The following SH3GL2 variants were observed in gnomAD, a reference collection of about 807,000 sequenced individuals.
SH3GL2 encodes endophilin-A1.
Under a neutral mutation model 46.0 loss-of-function variants are expected in SH3GL2, and 24 were observed. The observed-to-expected ratio is 0.52, with a 90% CI of 0.38 to 0.73. The LOEUF is 0.73. Among genes scored for constraint, SH3GL2 ranks in the 30% least tolerant of loss-of-function variants. SH3GL2 has a pLI of 0.00. For synonymous variants in SH3GL2, 196 were observed against 147.1 expected, an observed-to-expected ratio of 1.33 and a Z score of -2.40; for missense variants, 413 against 424.2, an observed-to-expected ratio of 0.97 and a Z score of 0.23.
intron 1 of SH3GL2, among the ~76,000 whole-genome samples, chr9:17,673,446 T>A (rs1820525892): frequency 6.6e-6 from 1 of 151,836 alleles, no homozygotes; most frequent in South Asian, 2.1e-4. Flanking sequence ...ACGCCTGGCC[T>A]TCACTTTGAT....
chr9:17,677,640 A>T (rs952069267), intron 1 of SH3GL2, among the ~76,000 whole-genome samples: 1 of 148,274 alleles, frequency 6.7e-6, no homozygotes, highest in Non-Finnish European at 1.5e-5. Context: ...ATATATATAT[A>T]TATTTATACT....
chr9:17,660,205 T>C (rs772968718), intron 1 of SH3GL2, among the ~76,000 whole-genome samples: 1 of 148,870 alleles, frequency 6.7e-6, no homozygotes, highest in Non-Finnish European at 1.5e-5. Context: ...TGTGTTAAAT[T>C]TGAAATAGTT....
At chr9:17,785,849 T>C (rs932197546) in intron 3 of SH3GL2, among the ~76,000 whole-genome samples, 12 of 152,164 alleles carry the variant, frequency 7.9e-5, no homozygotes, top group Non-Finnish European at 1.0e-4. Context: ...CATCAGAATC[T>C]TAGTTGAGAA....
chr9:17,782,908 T>G (rs1161054468), intron 3 of SH3GL2, among the ~76,000 whole-genome samples: 3 of 152,090 alleles, frequency 2.0e-5, no homozygotes, highest in Non-Finnish European at 4.4e-5. Context: ...TGCTTCAACT[T>G]CACCTCCCAA....
intron 3 of SH3GL2, among the ~76,000 whole-genome samples, chr9:17,782,333 G>A (rs1051552106): frequency 1.3e-5 from 2 of 152,080 alleles, no homozygotes; most frequent in Admixed American, 1.3e-4. Flanking sequence ...GTGAGAGCAC[G>A]TGATCACTTT....
Position 17,594,262 on chromosome 9 carries a change from T to C in SH3GL2, c.45+14975T>C, listed in dbSNP as rs116309117. ...AGCTGTGCTAGTTATCCTGACACCT[T>C]GCAATTATGCCATACGTTTCTTGCC... is the stretch of plus-strand genomic sequence containing the variant. On this transcript the variant is annotated intron_variant, in intron 1 of 8. Coordinates refer to ENST00000380607, the MANE Select transcript of SH3GL2 (RefSeq NM_003026.5). Among the ~76,000 whole-genome samples, 301 of 152,314 alleles carry C rather than the reference T, an allele frequency of 2.0e-3. 2 individuals carry two copies. Among genetic ancestry groups the C allele is most frequent in the African/African-American group, 7.0e-3 (289 of 41,574 alleles).
At chr9:17,792,276 T>C (rs1824153438) in intron 7 of SH3GL2, among the ~76,000 whole-genome samples, 1 of 152,200 alleles carries the variant, frequency 6.6e-6, no homozygotes, top group Non-Finnish European at 1.5e-5. Context: ...ATTTATGTAA[T>C]GCTGAAGCCT....
At chr9:17,628,408 TTGGG>T (rs1174514717) in intron 1 of SH3GL2, among the ~76,000 whole-genome samples, 1 of 125,046 alleles carries the variant, frequency 8.0e-6, no homozygotes, top group African/African-American at 3.1e-5. Flanking sequence ...TAACTATATC[TTGGG>T]TGTGTGTGTG....
chr9:17,654,793 C>A (rs559951018), intron 1 of SH3GL2, among the ~76,000 whole-genome samples: 91 of 152,218 alleles, frequency 6.0e-4, no homozygotes, highest in African/African-American at 2.1e-3. Flanking sequence ...TACCCAACTG[C>A]AAAGGTGCTA....
intron 1 of SH3GL2, among the ~76,000 whole-genome samples, chr9:17,719,705 A>G (rs1821845508): frequency 6.6e-6 from 1 of 151,850 alleles, no homozygotes. Context: ...AGGTGGGAGG[A>G]TCCCTTGAGC....
chr9:17,597,539 T>A (rs924570381), intron 1 of SH3GL2, among the ~76,000 whole-genome samples: 2 of 152,038 alleles, frequency 1.3e-5, no homozygotes, highest in African/African-American at 4.8e-5. Flanking sequence ...AATTACTATA[T>A]AACAATGATT....
chr9:17,788,031 T>C (rs1824012580), intron 5 of SH3GL2, among the ~76,000 whole-genome samples: 1 of 152,198 alleles, frequency 6.6e-6, no homozygotes, highest in African/African-American at 2.4e-5. Context: ...AGCCACTTTC[T>C]AAAACATGTA....
intron 1 of SH3GL2, among the ~76,000 whole-genome samples, chr9:17,653,245 T>G (rs1819996750): frequency 6.6e-6 from 1 of 152,192 alleles, no homozygotes; most frequent in Non-Finnish European, 1.5e-5. Flanking sequence ...TGCTGTTTTC[T>G]TTTCTACCTT....
At chr9:17,715,781 C>T (rs1436818257) in intron 1 of SH3GL2, among the ~76,000 whole-genome samples, 1 of 151,944 alleles carries the variant, frequency 6.6e-6, no homozygotes, top group Non-Finnish European at 1.5e-5. Flanking sequence ...ATTTCATACA[C>T]CTAATATACC....
chr9:17,596,966 T>C (rs986103099), intron 1 of SH3GL2, among the ~76,000 whole-genome samples: 3 of 152,148 alleles, frequency 2.0e-5, no homozygotes, highest in Admixed American at 6.5e-5. Flanking sequence ...TTTGATGGCT[T>C]CAATGGCAAG....
chr9:17,669,913 T>C (rs1183132090), intron 1 of SH3GL2, among the ~76,000 whole-genome samples: 1 of 152,050 alleles, frequency 6.6e-6, no homozygotes, highest in Non-Finnish European at 1.5e-5. Context: ...AAAGAACAGC[T>C]CTCTGCTGCA....
intron 1 of SH3GL2, among the ~76,000 whole-genome samples, chr9:17,702,530 C>T (rs117312790): frequency 0.01 from 1,527 of 152,070 alleles, 16 homozygotes; most frequent in Middle Eastern, 0.024. Context: ...CCTCTTGTTT[C>T]CATCTCCCAA....
chr9:17,582,864 C>A (rs1818302838), intron 1 of SH3GL2, among the ~76,000 whole-genome samples: 1 of 152,174 alleles, frequency 6.6e-6, no homozygotes, highest in African/African-American at 2.4e-5. Flanking sequence ...CTTGTAGATA[C>A]ATCACCTTGG....
At chr9:17,613,772 A>G (rs140237382) in intron 1 of SH3GL2, among the ~76,000 whole-genome samples, 17 of 152,264 alleles carry the variant, frequency 1.1e-4, no homozygotes, top group Admixed American at 5.9e-4. Context: ...TCACTTTAGC[A>G]TTTCCCTGCT....
Sources: gnomAD v4.1 joint callset for allele counts (sites outside exome capture counted in the v4.1 genomes callset) on GRCh38, gnomAD v4.1.1 for gene constraint, MANE v1.5 for transcripts, NCBI Gene and HGNC (gene_info 2026-07-23, HGNC 2026-07-21) for gene names.